EIF4G3: variants seen among roughly 807,000 people sequenced by gnomAD.
The protein encoded by EIF4G3 is eIF-4-gamma 3.
Under a neutral mutation model 186.4 loss-of-function variants are expected in EIF4G3, and 34 were observed. The ratio of observed to expected loss-of-function variants is 0.18; its 90% CI spans 0.14 to 0.24. The LOEUF is 0.24. EIF4G3 is among the 10% of genes least tolerant of loss of function. The probability of loss-of-function intolerance (pLI) is 1.00; values close to 1 mark genes in which losing one functional copy is unlikely to be tolerated. For synonymous variants in EIF4G3, 673 were observed against 679.5 expected (o/e 0.99, Z 0.15); for missense variants, 1,536 against 1,948.5 (o/e 0.79, Z 3.99).
Position 21,084,330 on chromosome 1 carries a change from C to T in EIF4G3, c.-196+4808G>A, listed in dbSNP as rs1201829958. Among the ~76,000 whole-genome samples the T allele has an allele frequency of 4.0e-5, 6 of 151,464 alleles. No individual in the cohort carries two copies. The East Asian group carries it at 5.8e-4, about 15-fold the overall frequency. ...AGAAACTTACAATAATGGTAGAAAA[C>T]GAAGAGGAAGCAAGGCACGTCTTAC... is the stretch of plus-strand genomic sequence containing the variant. On this transcript the variant is annotated intron_variant, in intron 3 of 36. Coordinates refer to ENST00000602326, the MANE Select transcript of EIF4G3 (RefSeq NM_001391906.1).
At chr1:20,985,381 A>G (rs953186866) in intron 7 of EIF4G3, among the ~76,000 whole-genome samples, 3 of 152,102 alleles carry the variant, frequency 2.0e-5, no homozygotes, top group Admixed American at 6.6e-5. Context: ...CTTTTGCTCA[A>G]CTTCACTGCA....
chr1:20,977,141 G>C (rs2077017932), intron 10 of EIF4G3, among the ~76,000 whole-genome samples: 1 of 151,480 alleles, frequency 6.6e-6, no homozygotes, highest in African/African-American at 2.4e-5. Context: ...TAAAGGATGG[G>C]AAGGGAGAGA....
At chr1:20,899,983 C>A in intron 15 of EIF4G3, 40 bp from the exon 16 acceptor site, 3 of 1,576,160 alleles carry the variant, frequency 1.9e-6, no homozygotes, top group Admixed American at 1.9e-5. Context: ...TTTTTTTCCA[C>A]GGGTGTAAAT....
At chr1:21,035,162 G>A (rs1185899619) in intron 4 of EIF4G3, among the ~76,000 whole-genome samples, 1 of 152,108 alleles carries the variant, frequency 6.6e-6, no homozygotes, top group African/African-American at 2.4e-5. Flanking sequence ...CAGGCCTGAG[G>A]CCACTGCAGC....
rs764252868 is a variant in EIF4G3 at position 21,031,467 on chromosome 1, C to T, written c.-67+19399G>A. Among the ~76,000 whole-genome samples, 13 of 150,240 alleles carry T rather than the reference C, an allele frequency of 8.7e-5. 1 individual carries two copies. Among genetic ancestry groups the T allele is most frequent in the East Asian group, 3.9e-4 (2 of 5,126 alleles). ...TTGCAGGCAAACAACCTACAGAAAGCGGTGAAGGGCCAGGAGGTTGCTGAG... is the reference window on the plus strand; with the variant it reads ...TTGCAGGCAAACAACCTACAGAAAGTGGTGAAGGGCCAGGAGGTTGCTGAG... On this transcript the variant is annotated intron_variant, in intron 4 of 36. Transcript: ENST00000602326.
chr1:20,913,856 G>C (rs1046482353), intron 14 of EIF4G3, among the ~76,000 whole-genome samples: 4 of 141,352 alleles, frequency 2.8e-5, no homozygotes, highest in African/African-American at 7.9e-5. Context: ...ACCCAGCCTG[G>C]AGTGCAGTGG....
intron 12 of EIF4G3, among the ~76,000 whole-genome samples, chr1:20,954,433 G>A (rs1048945536): frequency 2.0e-5 from 3 of 151,168 alleles, no homozygotes; most frequent in African/African-American, 7.3e-5. Flanking sequence ...CTACTCGGGA[G>A]GCTGAGGCAG....
At position 20,807,456 on chromosome 1, in the gene EIF4G3, T is replaced by C; in HGVS notation, c.4789A>G (p.Ile1597Val). ...FFDCLYDEEV[I>V]SEDAFYKWES... ...CATTTGTAGAAGGCATCCTCGGAGATCACCTCCTCGTCATATAGACAATCA... is the reference window on the plus strand; with the variant it reads ...CATTTGTAGAAGGCATCCTCGGAGACCACCTCCTCGTCATATAGACAATCA... Residue 1597 changes from isoleucine to valine, a missense_variant, in exon 37 of 37, where the codon ATC becomes GTC. Around this residue, in one of 11 missense-constraint regions of EIF4G3, gnomAD observed 45 missense variants for 99.1 expected, o/e 0.45. Coordinates refer to ENST00000602326, the MANE Select transcript of EIF4G3 (RefSeq NM_001391906.1). 1 of 1,611,036 alleles carries C rather than the reference T, an allele frequency of 6.2e-7. No individual in the cohort carries two copies. Among genetic ancestry groups the C allele is most frequent in the Non-Finnish European group, 8.5e-7 (1 of 1,177,946 alleles).
intron 14 of EIF4G3, among the ~76,000 whole-genome samples, chr1:20,938,250 C>G (rs71647174): frequency 0.027 from 4,175 of 152,304 alleles, 88 homozygotes; most frequent in Non-Finnish European, 0.038. Flanking sequence ...CCTCCTCAGC[C>G]TCCCAAAGTG....
intron 3 of EIF4G3, among the ~76,000 whole-genome samples, chr1:21,073,315 T>G (rs1311409573): frequency 6.6e-6 from 1 of 152,166 alleles, no homozygotes; most frequent in African/African-American, 2.4e-5. Flanking sequence ...TCAAACGCCC[T>G]TGCAGCTATT....
chr1:20,974,035 G>T (rs1200455435), intron 10 of EIF4G3, among the ~76,000 whole-genome samples: 1 of 152,168 alleles, frequency 6.6e-6, no homozygotes, highest in Non-Finnish European at 1.5e-5. Flanking sequence ...CTGAGCAAGT[G>T]AAAGAACAGA....
intron 15 of EIF4G3, among the ~76,000 whole-genome samples, chr1:20,904,352 A>G (rs542426493): frequency 3.7e-4 from 57 of 152,256 alleles, no homozygotes; most frequent in African/African-American, 1.2e-3. Flanking sequence ...TTGTCATTTT[A>G]TTTATTTATT....
chr1:21,176,226 ACCGCTGCCG>A lies in EIF4G3; in HGVS notation c.-332_-324del, dbSNP rs1553339097. On this transcript the variant is annotated 5_prime_UTR_variant, in exon 2 of 37. Transcript: ENST00000602326. ...CCTGATGTTCGGGTGAGGAGGGGGG[ACCGCTGCCG>A]CCGCCGCCGCCGCCGCCGCCGCCGC... The A allele has an allele frequency of 4.0e-5, 16 of 400,650 alleles. No homozygotes were observed. Among genetic ancestry groups the A allele is most frequent in the South Asian group, 6.3e-5 (1 of 15,796 alleles). 24.8% of individuals were successfully genotyped at this position (400,650 alleles called of 1,614,324 possible).
rs1446879372 is a variant in EIF4G3 at position 20,871,244 on chromosome 1, A to G, written c.2623-5982T>C. ...CAACTGCTCTAAACAATGAGAACAC[A>G]TATTCTCCTAAATCTTACAATCTCA... On this transcript the variant is annotated intron_variant, in intron 20 of 36. Transcript: ENST00000602326. 3.9e-5 allele frequency among the ~76,000 whole-genome samples: 6 copies of G among 152,358 alleles called. No homozygotes were observed. The East Asian group carries it at 1.2e-3, about 29-fold the overall frequency.
intron 7 of EIF4G3, among the ~76,000 whole-genome samples, chr1:20,984,550 A>ATC (rs2079008607): frequency 1.0e-5 from 1 of 96,284 alleles, no homozygotes; most frequent in Non-Finnish European, 2.2e-5. Flanking sequence ...AGCATTATAT[A>ATC]TATATATATA....
Position 20,981,652 on chromosome 1 carries a change from CAT to C in EIF4G3, c.199-427_199-426del, listed in dbSNP as rs2078191302. On this transcript the variant is annotated intron_variant, in intron 8 of 36. Coordinates refer to ENST00000602326, the MANE Select transcript of EIF4G3 (RefSeq NM_001391906.1). ...TGTATACGCACATACTGTATGTATA[CAT>C]ACATGTATACGCACATACTGTATGT... is the stretch of plus-strand genomic sequence containing the variant. Among the ~76,000 whole-genome samples the C allele has an allele frequency of 4.7e-5, 6 of 126,886 alleles. No individual in the cohort carries two copies. In the South Asian group the frequency reaches 1.7e-3, roughly 36 times the overall value. 83.2% of individuals were successfully genotyped at this position (126,886 alleles called of 152,430 possible).
At chr1:20,913,341 C>T (rs747907511) in intron 14 of EIF4G3, among the ~76,000 whole-genome samples, 1 of 152,048 alleles carries the variant, frequency 6.6e-6, no homozygotes, top group Non-Finnish European at 1.5e-5. Context: ...CCAAGACTAG[C>T]CTGAGCAACA....
chr1:20,899,842 T>A lies in EIF4G3; in HGVS notation c.1854A>T (p.Lys618Asn). The change falls in exon 16 of 37, where the codon AAA (lysine) becomes AAT (asparagine). Residue 618 changes from lysine to asparagine, a missense_variant. Lys to Asn is a moderately conservative substitution (Grantham distance 94). Coordinates refer to ENST00000602326, the MANE Select transcript of EIF4G3 (RefSeq NM_001391906.1). Reference sequence around the variant, plus strand: ...CATTTTCTTCCACAGCTTTCACTTTTTTTAGGTCAGAGGGGTCTCTTTCAG... The same window carrying A: ...CATTTTCTTCCACAGCTTTCACTTTATTTAGGTCAGAGGGGTCTCTTTCAG... Reference protein sequence around the residue: ...FHPERDPSDLKKVKAVEENGE... With the variant: ...FHPERDPSDLNKVKAVEENGE... 3 of 1,614,176 alleles carry A rather than the reference T, an allele frequency of 1.9e-6. No individual in the cohort carries two copies. Among genetic ancestry groups the A allele is most frequent in the Non-Finnish European group, 2.5e-6 (3 of 1,180,018 alleles).
intron 2 of EIF4G3, among the ~76,000 whole-genome samples, chr1:21,114,407 G>C (rs1475773466): frequency 6.6e-6 from 1 of 152,208 alleles, no homozygotes; most frequent in Non-Finnish European, 1.5e-5. Context: ...GGGATTACAG[G>C]CGTGAGCCAC....
Sources: gnomAD v4.1 joint callset for allele counts (sites outside exome capture counted in the v4.1 genomes callset) on GRCh38, gnomAD v4.1.1 for gene constraint, gnomAD v4.1.1 regional missense constraint, MANE v1.5 for transcripts, NCBI Gene and HGNC (gene_info 2026-07-23, HGNC 2026-07-21) for gene names.